BLVRA: variants seen among roughly 807,000 people sequenced by gnomAD.
BLVRA encodes BVR A.
Under a neutral mutation model 32.8 loss-of-function variants are expected in BLVRA, and 22 were observed. That is an observed-to-expected ratio of 0.67 (90% CI 0.48 to 0.96). BLVRA has a LOEUF of 0.96. BLVRA is among the 40% of genes least tolerant of loss of function. The pLI is 0.00. For missense variants in BLVRA, 323 were observed against 358.1 expected (o/e 0.90, Z 0.79); for synonymous variants, 119 against 141.3 (o/e 0.84, Z 1.12).
chr7:43,801,633 GTAAGT>G lies in BLVRA; in HGVS notation c.460+1067_460+1071del, dbSNP rs556835917. On this transcript the variant is annotated intron_variant, in intron 6 of 7. Coordinates refer to ENST00000265523, the MANE Select transcript of BLVRA (RefSeq NM_000712.4). ...TGTACAAGAAACTGTGTTAAGTTAA[GTAAGT>G]TAAGTACAAGTAACTGTGATGTGCA... Among the ~76,000 whole-genome samples, 463 of 150,834 alleles carry G rather than the reference GTAAGT, an allele frequency of 3.1e-3. 4 individuals are homozygous for G. Among genetic ancestry groups the G allele is most frequent in the African/African-American group, 0.011 (440 of 40,796 alleles).
chr7:43,775,505 G>T (rs10254271), intron 2 of BLVRA, among the ~76,000 whole-genome samples: 1 of 152,080 alleles, frequency 6.6e-6, no homozygotes, highest in Non-Finnish European at 1.5e-5. Context: ...TGATCATGGT[G>T]GATAAGCTTT....
chr7:43,798,422 ACTGT>A (rs552202299), intron 5 of BLVRA, among the ~76,000 whole-genome samples: 102 of 152,192 alleles, frequency 6.7e-4, no homozygotes, highest in Admixed American at 1.6e-3. Context: ...TTCTCATCAC[ACTGT>A]CTGATATTCA....
chr7:43,762,264 A>G (rs781347341), intron 1 of BLVRA, among the ~76,000 whole-genome samples: 12 of 152,048 alleles, frequency 7.9e-5, no homozygotes, highest in Non-Finnish European at 1.5e-4. Flanking sequence ...TGTGCATCAC[A>G]GGATGTTTTG....
intron 2 of BLVRA, among the ~76,000 whole-genome samples, chr7:43,771,676 T>C (rs1276082064): frequency 7.9e-5 from 12 of 152,264 alleles, no homozygotes; most frequent in Admixed American, 6.5e-4. Context: ...ACGCCCACTA[T>C]GCTTTTCCCA....
chr7:43,807,341 AAT>A (rs1195448272), exon 8 of BLVRA: 12 of 1,536,310 alleles, frequency 7.8e-6, no homozygotes, highest in Non-Finnish European at 9.8e-6. Flanking sequence ...GGGAAACAAG[AAT>A]CTTATTGTTA....
At chr7:43,780,479 G>A (rs951010460) in intron 2 of BLVRA, among the ~76,000 whole-genome samples, 2 of 152,106 alleles carry the variant, frequency 1.3e-5, no homozygotes, top group African/African-American at 2.4e-5. Context: ...TCGCTAAGTG[G>A]GACCACCATA....
chr7:43,762,300 G>C (rs1190695692), intron 1 of BLVRA, among the ~76,000 whole-genome samples: 1 of 151,934 alleles, frequency 6.6e-6, no homozygotes, highest in Non-Finnish European at 1.5e-5. Context: ...TTCCCTACTA[G>C]ATGCCAATGG....
intron 6 of BLVRA, among the ~76,000 whole-genome samples, chr7:43,802,281 T>C (rs1398499520): frequency 1.3e-5 from 2 of 152,230 alleles, no homozygotes; most frequent in African/African-American, 2.4e-5. Context: ...TTTGTTTGGT[T>C]TTATATATAA....
intron 2 of BLVRA, among the ~76,000 whole-genome samples, chr7:43,784,598 C>CTTTTTTTTTTTTTTTTTTTTTTT (rs5883874): frequency 1.2e-5 from 1 of 85,238 alleles, no homozygotes. Flanking sequence ...TCACTCATAT[C>CTTTTTTTTTTTTTTTTTTTTTTT]TTTTTTTTTT....
chr7:43,801,453 GCCA>G (rs2095798618), intron 6 of BLVRA, among the ~76,000 whole-genome samples: 1 of 152,270 alleles, frequency 6.6e-6, no homozygotes, highest in African/African-American at 2.4e-5. Context: ...GGGCACCTGG[GCCA>G]CCATTCCTGA....
upstream of BLVRA, among the ~76,000 whole-genome samples, chr7:43,758,237 A>C (rs1399414394): frequency 6.7e-6 from 1 of 148,392 alleles, no homozygotes; most frequent in East Asian, 1.9e-4. Flanking sequence ...GCGCCAGTTC[A>C]GTCGGCCCGG....
chr7:43,772,487 C>T (rs1452711918), intron 2 of BLVRA, among the ~76,000 whole-genome samples: 1 of 152,244 alleles, frequency 6.6e-6, no homozygotes, highest in African/African-American at 2.4e-5. Context: ...AGCTTCCCCC[C>T]TGCCCCAGGG....
At chr7:43,801,106 C>T (rs1245371698) in intron 6 of BLVRA, among the ~76,000 whole-genome samples, 1 of 152,094 alleles carries the variant, frequency 6.6e-6, no homozygotes, top group African/African-American at 2.4e-5. Flanking sequence ...CTCAAGCAGT[C>T]CTCCCACCTC....
chr7:43,789,087 C>A (rs1034733159), intron 3 of BLVRA, among the ~76,000 whole-genome samples: 1 of 152,018 alleles, frequency 6.6e-6, no homozygotes, highest in African/African-American at 2.4e-5. Flanking sequence ...TGTATAACAT[C>A]ATTTGTCAAT....
At chr7:43,788,334 G>C (rs574656829) in intron 3 of BLVRA, among the ~76,000 whole-genome samples, 6 of 152,320 alleles carry the variant, frequency 3.9e-5, no homozygotes, top group South Asian at 4.1e-4. Context: ...GGCCTGAAAG[G>C]CTTTCGGTGT....
upstream of BLVRA, among the ~76,000 whole-genome samples, chr7:43,758,331 G>GC (rs749228226): frequency 5.8e-3 from 643 of 110,512 alleles, 8 homozygotes; most frequent in East Asian, 0.039. Context: ...CCCCGGGCCT[G>GC]CCCCCCCCAC....
chr7:43,773,893 T>C (rs1229548337), intron 2 of BLVRA, among the ~76,000 whole-genome samples: 3 of 152,244 alleles, frequency 2.0e-5, no homozygotes, highest in Non-Finnish European at 4.4e-5. Flanking sequence ...TGGCCAGTGA[T>C]GATGAGCACT....
chr7:43,772,624 C>T (rs375487821), intron 2 of BLVRA, among the ~76,000 whole-genome samples: 31 of 152,236 alleles, frequency 2.0e-4, no homozygotes, highest in African/African-American at 7.5e-4. Flanking sequence ...GTTTAATTGA[C>T]TCACAGTTCA....
chr7:43,768,367 G>A (rs2095750548), intron 1 of BLVRA, among the ~76,000 whole-genome samples: 1 of 152,074 alleles, frequency 6.6e-6, no homozygotes, highest in Non-Finnish European at 1.5e-5. Context: ...AAGCTCTCTG[G>A]GTGAATGTAA....
Sources: allele counts gnomAD v4.1 joint callset (sites outside exome capture counted in the v4.1 genomes callset), GRCh38; gene constraint gnomAD v4.1.1; transcripts MANE v1.5; gene names NCBI Gene and HGNC (gene_info 2026-07-23, HGNC 2026-07-21).